The following RYR2 variants were observed in gnomAD, a reference collection of about 807,000 sequenced individuals.
The protein encoded by RYR2 is cardiac muscle ryanodine receptor-calcium release channel.
A neutral mutation model predicts 601.1 loss-of-function variants in RYR2; 227 were observed. That is an observed-to-expected ratio of 0.38 (90% CI 0.34 to 0.42). The LOEUF (loss-of-function observed/expected upper bound fraction) is 0.42, where lower values mean the gene tolerates loss of function less well. Ranked by LOEUF, RYR2 falls within the 10% of genes least tolerant of loss-of-function variation. The pLI is 1.00. For synonymous variants in RYR2, 2,223 were observed against 2,175.1 expected (o/e 1.02, Z -0.61); for missense variants, 4,646 against 6,156.5 (o/e 0.75, Z 8.21).
intron 1 of RYR2, among the ~76,000 whole-genome samples, chr1:237,266,748 G>A (rs1017008802): frequency 3.3e-5 from 5 of 151,880 alleles, no homozygotes; most frequent in African/African-American, 4.9e-5. Flanking sequence ...GTTGAACCAC[G>A]ATTGAAAGCT....
In RYR2 at chr1:237,783,780, T is replaced by G. The variant is rs753343571; in HGVS notation, c.12068T>G (p.Leu4023Arg). ...ILKFFDMFLK[L>R]KDLTSSDTFK... ...AAATTTTTTGACATGTTCTTAAAAC[T>G]AAAGGATTTGACGTCGTCTGATACT... Residue 4023 changes from leucine (L) to arginine (R), a missense_variant, in exon 90 of 105, where the codon CTA becomes CGA. Around this residue, in one of 17 missense-constraint regions of RYR2, gnomAD observed 90 missense variants for 213.3 expected, o/e 0.42. Coordinates refer to ENST00000366574, the MANE Select transcript of RYR2 (RefSeq NM_001035.3). The G allele has an allele frequency of 6.2e-7, 1 of 1,613,326 alleles. No homozygotes were observed. The highest frequency in any genetic ancestry group is 1.7e-5 in the Admixed American group (1 of 59,968).
chr1:237,549,190 A>G (rs1231959820), intron 26 of RYR2, among the ~76,000 whole-genome samples: 1 of 152,206 alleles, frequency 6.6e-6, no homozygotes. Flanking sequence ...AGGCATCAGT[A>G]GATATTCAGG....
intron 1 of RYR2, among the ~76,000 whole-genome samples, chr1:237,131,356 A>C (rs1672152570): frequency 1.3e-5 from 2 of 152,124 alleles, no homozygotes; most frequent in African/African-American, 2.4e-5. Flanking sequence ...TCTTAAATGG[A>C]ATGTTTAGTA....
At chr1:237,545,280 T>G (rs1176742190) in intron 25 of RYR2, among the ~76,000 whole-genome samples, 2 of 152,240 alleles carry the variant, frequency 1.3e-5, no homozygotes, top group Non-Finnish European at 2.9e-5. Flanking sequence ...TAGCATAACT[T>G]GTCTATAAGT....
At chr1:237,638,831 T>C (rs546554622) in intron 45 of RYR2, among the ~76,000 whole-genome samples, 184 bp from the exon 46 acceptor site, 1 of 152,310 alleles carries the variant, frequency 6.6e-6, no homozygotes, top group South Asian at 2.1e-4. Flanking sequence ...AAATTTTTAA[T>C]GCAAGCAAAA....
chr1:237,203,614 A>G (rs12724105), intron 1 of RYR2, among the ~76,000 whole-genome samples: 37,446 of 152,138 alleles, frequency 0.25, 5,040 homozygotes, highest in East Asian at 0.37. Flanking sequence ...CAAAAACTTG[A>G]CCTCCAGGTA....
At chr1:237,248,105 C>G (rs1687048614) in intron 1 of RYR2, among the ~76,000 whole-genome samples, 2 of 152,044 alleles carry the variant, frequency 1.3e-5, no homozygotes, top group Admixed American at 1.3e-4. Flanking sequence ...AACCCTGTCT[C>G]TACTAAAAAT....
At chr1:237,744,945 C>T (rs996445039) in intron 80 of RYR2, among the ~76,000 whole-genome samples, 16 of 151,604 alleles carry the variant, frequency 1.1e-4, no homozygotes, top group African/African-American at 2.2e-4. Context: ...TACAGTGGCG[C>T]GCCACCACGC....
In RYR2 at chr1:237,795,849, TGTATATGTATATATATATATATATACAC is replaced by T. The variant is rs1348293213; in HGVS notation, c.13956+519_13956+546del. ...ATGTGTGTGTGTGTATATATATATA[TGTATATGTATATATATATATATATACAC>T]ATATATATATACACACATATATGGA... On this transcript the variant is annotated intron_variant, in intron 96 of 104. Transcript: ENST00000366574. Among the ~76,000 whole-genome samples the T allele has an allele frequency of 1.0e-3, 119 of 115,434 alleles. 1 individual carries two copies. Among genetic ancestry groups the T allele is most frequent in the African/African-American group, 4.2e-3 (109 of 25,960 alleles). The allele number at this position is 115,434 out of a possible 152,430, so 75.7% of individuals were successfully genotyped here.
chr1:237,553,227 A>G (rs1374083511), intron 27 of RYR2, among the ~76,000 whole-genome samples: 1 of 152,054 alleles, frequency 6.6e-6, no homozygotes, highest in African/African-American at 2.4e-5. Flanking sequence ...TGTGTGATCT[A>G]AAGTGAGTTA....
chr1:237,327,504 A>G (rs1411954076), intron 2 of RYR2, among the ~76,000 whole-genome samples: 1 of 152,166 alleles, frequency 6.6e-6, no homozygotes, highest in South Asian at 2.1e-4. Context: ...ATTTAAATAC[A>G]CCCAGAATAT....
At chr1:237,126,109 C>CAT (rs1671382234) in intron 1 of RYR2, among the ~76,000 whole-genome samples, 1 of 151,978 alleles carries the variant, frequency 6.6e-6, no homozygotes, top group African/African-American at 2.4e-5. Context: ...TGGTGGCGGG[C>CAT]GCCTGTAATC....
chr1:237,566,754 C>T lies in RYR2; in HGVS notation c.3402C>T (p.Ala1134=), dbSNP rs773072283. The T allele has an allele frequency of 6.2e-7, 1 of 1,613,950 alleles. No homozygotes were observed. Among genetic ancestry groups the T allele is most frequent in the Non-Finnish European group, 8.5e-7 (1 of 1,179,868 alleles). ...AGGAGCTTGGCTCAGATGAACGTGCCTTTGCCTTTGATGGCTTCAAGGTGA... is the reference window on the plus strand; with the variant it reads ...AGGAGCTTGGCTCAGATGAACGTGCTTTTGCCTTTGATGGCTTCAAGGTGA... ...PDQELGSDER[A]FAFDGFKAQR... is the part of the protein sequence containing the mutation. Residue 1134 remains alanine (A), a synonymous_variant, in exon 28 of 105, where the codon GCC becomes GCT. Transcript: ENST00000366574.
chr1:237,129,663 A>T (rs1360372599), intron 1 of RYR2, among the ~76,000 whole-genome samples: 1 of 149,716 alleles, frequency 6.7e-6, no homozygotes, highest in Non-Finnish European at 1.5e-5. Flanking sequence ...TATAATATAT[A>T]TAGTATGATA....
At position 237,042,502 on chromosome 1, in the gene RYR2, C is replaced by A. The variant is rs778527185; in HGVS notation, c.-20C>A. ...CTCCGCGGGGCTCGGGAGCCGGCCC[C>A]GGCGAGGAGGCGCGGAACCATGGCC... On this transcript the variant is annotated 5_prime_UTR_variant, in exon 1 of 105. Transcript: ENST00000366574. The A allele has an allele frequency of 5.6e-6, 7 of 1,248,138 alleles. No homozygotes were observed. Among genetic ancestry groups the A allele is most frequent in the Middle Eastern group, 2.2e-4 (1 of 4,642 alleles). 77.3% of individuals were successfully genotyped at this position (1,248,138 alleles called of 1,614,324 possible).
At chr1:237,701,897 A>G in intron 65 of RYR2, 81 bp from the exon 66 acceptor site, 7 of 743,110 alleles carry the variant, frequency 9.4e-6, no homozygotes, top group Non-Finnish European at 1.6e-5. Context: ...CCTAAACTGA[A>G]TAGTACATAG....
At chr1:237,722,519 C>T (rs2797443) in intron 73 of RYR2, among the ~76,000 whole-genome samples, 141,461 of 150,660 alleles carry the variant, frequency 0.94, 66,870 homozygotes, top group Non-Finnish European at 1. Flanking sequence ...CTGCAAGCTC[C>T]GCCTCCCGGG....
chr1:237,478,180 T>G (rs530923374), intron 17 of RYR2, among the ~76,000 whole-genome samples: 3 of 152,210 alleles, frequency 2.0e-5, no homozygotes, highest in Non-Finnish European at 4.4e-5. Flanking sequence ...CATTTTAAAA[T>G]CATTCTATTT....
At chr1:237,053,503 G>T (rs1661546042) in intron 1 of RYR2, among the ~76,000 whole-genome samples, 1 of 152,172 alleles carries the variant, frequency 6.6e-6, no homozygotes, top group Non-Finnish European at 1.5e-5. Context: ...TGCAAAGTCA[G>T]CCCGACTTGA....
Sources: gnomAD v4.1 joint callset for allele counts (sites outside exome capture counted in the v4.1 genomes callset) on GRCh38, gnomAD v4.1.1 for gene constraint, gnomAD v4.1.1 regional missense constraint, MANE v1.5 for transcripts, NCBI Gene and HGNC (gene_info 2026-07-23, HGNC 2026-07-21) for gene names.